The following GLI2 variants were observed in gnomAD, a reference collection of about 807,000 sequenced individuals.
GLI2 encodes the protein transcription activator GLI2.
In GLI2, 22 loss-of-function variants were observed where a neutral mutation model predicts 78.9. That is an observed-to-expected ratio of 0.28 (90% CI 0.20 to 0.40). GLI2 has a LOEUF of 0.40. GLI2 is among the 10% of genes least tolerant of loss of function. The probability of loss-of-function intolerance (pLI) is 1.00; values close to 1 mark genes in which losing one functional copy is unlikely to be tolerated. For missense variants in GLI2, 2,097 were observed against 2,213.2 expected (o/e 0.95, Z 1.05); for synonymous variants, 974 against 963.7 (o/e 1.01, Z -0.20).
intron 2 of GLI2, among the ~76,000 whole-genome samples, chr2:120,854,244 T>C (rs1178141674): frequency 2.6e-5 from 4 of 151,916 alleles, no homozygotes; most frequent in African/African-American, 9.7e-5. Context: ...GAGCAGAAGT[T>C]TGGGTCAAAA....
chr2:120,966,242 C>G (rs1050894617), intron 5 of GLI2, among the ~76,000 whole-genome samples: 1 of 152,228 alleles, frequency 6.6e-6, no homozygotes, highest in Non-Finnish European at 1.5e-5. Context: ...CACTGGGTCA[C>G]AGCAACCCCA....
At chr2:120,967,301 G>A (rs533998761) in intron 5 of GLI2, among the ~76,000 whole-genome samples, 32 of 152,324 alleles carry the variant, frequency 2.1e-4, no homozygotes, top group East Asian at 5.8e-4. Flanking sequence ...CTCACGCTTC[G>A]CCTAATTTAC....
chr2:120,870,691 C>T (rs938262576), intron 2 of GLI2, among the ~76,000 whole-genome samples: 14 of 152,338 alleles, frequency 9.2e-5, no homozygotes, highest in East Asian at 7.7e-4. Context: ...ACCTTCAGAC[C>T]TGCTCCCAGA....
At chr2:120,901,427 T>G (rs1007467342) in intron 2 of GLI2, among the ~76,000 whole-genome samples, 1 of 152,208 alleles carries the variant, frequency 6.6e-6, no homozygotes, top group Admixed American at 6.5e-5. Flanking sequence ...TCCCATCTGT[T>G]TGGCCGGCCC....
intron 1 of GLI2, among the ~76,000 whole-genome samples, chr2:120,770,696 T>C (rs147034410): frequency 4.2e-4 from 64 of 152,296 alleles, no homozygotes; most frequent in African/African-American, 1.5e-3. Context: ...AATTTCCTCA[T>C]TGTGAATTAA....
In GLI2 at chr2:120,988,411, C is replaced by T. The variant is rs1683089002; in HGVS notation, c.2446C>T (p.Arg816Cys). The change falls in exon 14 of 14, where the codon CGC becomes TGC. Residue 816 changes from arginine (R) to cysteine (C), a missense_variant. Physicochemically the swap from Arg to Cys is radical, Grantham distance 180. Around this residue, in one of 5 missense-constraint regions of GLI2, gnomAD observed 1,290 missense variants for 1,261.7 expected, o/e 1.02. Transcript: ENST00000361492. ...CGGCATCTCCCCCTACTTCTCCAGC[C>T]GCCGCTCCAGCGAGGCCTCGCCCCT... ...SSGISPYFSS[R>C]RSSEASPLGA... The T allele has an allele frequency of 1.9e-6, 3 of 1,573,850 alleles. No individual in the cohort carries two copies. The highest frequency in any genetic ancestry group is 2.6e-6 in the Non-Finnish European group (3 of 1,169,768).
chr2:120,913,021 G>A (rs1449757561), intron 2 of GLI2, among the ~76,000 whole-genome samples: 1 of 152,166 alleles, frequency 6.6e-6, no homozygotes, highest in South Asian at 2.1e-4. Context: ...GGAAAGGAGG[G>A]AAGAAAAATA....
intron 2 of GLI2, among the ~76,000 whole-genome samples, chr2:120,846,071 C>T (rs930922010): frequency 3.9e-5 from 6 of 152,096 alleles, no homozygotes; most frequent in East Asian, 3.9e-4. Flanking sequence ...TAGGGGGGTC[C>T]GAAGCACGAC....
chr2:120,961,950 C>T (rs916806036), intron 5 of GLI2, among the ~76,000 whole-genome samples: 3 of 152,310 alleles, frequency 2.0e-5, no homozygotes, highest in African/African-American at 7.2e-5. Flanking sequence ...ACAGAGAAGG[C>T]TCCTGGGACC....
chr2:120,950,535 C>T (rs1380017889), intron 3 of GLI2, among the ~76,000 whole-genome samples: 1 of 152,146 alleles, frequency 6.6e-6, no homozygotes, highest in African/African-American at 2.4e-5. Context: ...CCATGCCAGC[C>T]CAAGCCAGCG....
chr2:120,971,648 G>C (rs545744172), intron 7 of GLI2, among the ~76,000 whole-genome samples: 49 of 152,342 alleles, frequency 3.2e-4, no homozygotes, highest in African/African-American at 1.2e-3. Context: ...GGTCAGAACA[G>C]GAGCAAGGGC....
At position 120,773,903 on chromosome 2, in the gene GLI2, C is replaced by CTCCTTCCT. The variant is rs535223818; in HGVS notation, c.-30-23364_-30-23357dup. ...CTCCCTTCCCTCCCTCCCTGCCTCC[C>CTCCTTCCT]TCCTTCCTTCCTTCCTTCCTTCCTT... On this transcript the variant is annotated intron_variant, in intron 1 of 13. Transcript: ENST00000361492. Among the ~76,000 whole-genome samples the CTCCTTCCT allele has an allele frequency of 1.2e-4, 14 of 114,164 alleles. 1 individual carries two copies. Among genetic ancestry groups the CTCCTTCCT allele is most frequent in the East Asian group, 5.5e-4 (2 of 3,652 alleles). 74.9% of individuals were successfully genotyped at this position (114,164 alleles called of 152,430 possible). A position where few individuals can be genotyped will look rare whatever the true frequency, so the allele number is the denominator to read the frequency against.
intron 1 of GLI2, among the ~76,000 whole-genome samples, chr2:120,797,000 T>G (rs1349840498): frequency 6.6e-6 from 1 of 152,108 alleles, no homozygotes; most frequent in Non-Finnish European, 1.5e-5. Context: ...TTTATTTCCC[T>G]CATCAGAGGC....
At chr2:120,946,883 G>A (rs534411454) in intron 3 of GLI2, among the ~76,000 whole-genome samples, 152 of 152,358 alleles carry the variant, frequency 1.0e-3, no homozygotes, top group African/African-American at 3.1e-3. Flanking sequence ...ACATGCCTGT[G>A]TGATGCTGGC....
intron 9 of GLI2, among the ~76,000 whole-genome samples, chr2:120,975,398 A>G (rs910232972): frequency 6.6e-6 from 1 of 152,214 alleles, no homozygotes; most frequent in Non-Finnish European, 1.5e-5. Context: ...TAGAGTTAGT[A>G]TTAAAAACCG....
At chr2:120,968,028 T>C (rs545802580) in intron 5 of GLI2, among the ~76,000 whole-genome samples, 55 of 152,302 alleles carry the variant, frequency 3.6e-4, no homozygotes, top group African/African-American at 1.3e-3. Context: ...ACGTGACCTG[T>C]GACCTTGGAG....
chr2:120,841,828 C>G (rs1332047818), intron 2 of GLI2, among the ~76,000 whole-genome samples: 1 of 126,100 alleles, frequency 7.9e-6, no homozygotes, highest in Non-Finnish European at 1.7e-5. Context: ...GGAGGAGGAC[C>G]ATTGCAAGCC....
At chr2:120,892,335 G>T (rs1677723351) in intron 2 of GLI2, among the ~76,000 whole-genome samples, 1 of 152,234 alleles carries the variant, frequency 6.6e-6, no homozygotes, top group Non-Finnish European at 1.5e-5. Flanking sequence ...TGGTCATTCG[G>T]TGGTTGATGT....
At chr2:120,953,962 A>G (rs1287085273) in intron 4 of GLI2, among the ~76,000 whole-genome samples, 1 of 152,136 alleles carries the variant, frequency 6.6e-6, no homozygotes, top group Admixed American at 6.5e-5. Flanking sequence ...ATAAACACTG[A>G]GGTAGCTCCT....
Sources: gnomAD v4.1 joint callset for allele counts (sites outside exome capture counted in the v4.1 genomes callset) on GRCh38, gnomAD v4.1.1 for gene constraint, gnomAD v4.1.1 regional missense constraint, MANE v1.5 for transcripts, NCBI Gene and HGNC (gene_info 2026-07-23, HGNC 2026-07-21) for gene names.